Variants in GABRA2 observed in about 807,000 individuals in gnomAD.
The protein encoded by GABRA2 is gamma-aminobutyric acid type A receptor subunit alpha2.
GABRA2 carries 16 observed loss-of-function variants against 48.7 expected under a neutral mutation model. That is an observed-to-expected ratio of 0.33 (90% CI 0.22 to 0.50). The LOEUF is 0.50. Ranked by LOEUF, GABRA2 falls within the 20% of genes least tolerant of loss-of-function variation. GABRA2 has a pLI of 0.98. For missense variants in GABRA2, 275 were observed against 535.6 expected, an observed-to-expected ratio of 0.51 and a Z score of 4.80; for synonymous variants, 185 against 184.5, an observed-to-expected ratio of 1.00 and a Z score of -0.02.
intron 7 of GABRA2, 24 bp from the exon 8 acceptor site, chr4:46,303,636 C>T (rs377118407): frequency 6.2e-7 from 1 of 1,603,166 alleles, no homozygotes; most frequent in Non-Finnish European, 8.5e-7. Flanking sequence ...TTAAGAAGCT[C>T]AAGGAGTAAT....
At chr4:46,283,590 CAT>C (rs1057505693) in intron 8 of GABRA2, among the ~76,000 whole-genome samples, 1 of 151,776 alleles carries the variant, frequency 6.6e-6, no homozygotes, top group African/African-American at 2.4e-5. Context: ...TCAATCCAAA[CAT>C]AGCCCTTTTG....
chr4:46,368,277 C>A (rs994500233), intron 3 of GABRA2: 1 of 152,092 alleles, frequency 6.6e-6, no homozygotes, highest in East Asian at 1.9e-4. Flanking sequence ...ACACTGACAG[C>A]CACCTCAGAA....
intron 4 of GABRA2, among the ~76,000 whole-genome samples, chr4:46,319,539 T>C (rs1245890008): frequency 6.6e-6 from 1 of 151,760 alleles, no homozygotes; most frequent in Admixed American, 6.6e-5. Context: ...TAGATAACAA[T>C]TTAGCACAGT....
At chr4:46,348,801 G>C (rs1187584038) in intron 3 of GABRA2, among the ~76,000 whole-genome samples, 1 of 150,090 alleles carries the variant, frequency 6.7e-6, no homozygotes, top group African/African-American at 2.4e-5. Context: ...GGGAGGGATA[G>C]CATTAGGAGA....
chr4:46,261,045 A>C (rs1325741361), intron 9 of GABRA2: 1 of 151,972 alleles, frequency 6.6e-6, no homozygotes, highest in Non-Finnish European at 1.5e-5. Flanking sequence ...TACAATGTTA[A>C]AGATATCCTC....
chr4:46,364,005 GA>G (rs1713643921), intron 3 of GABRA2: 1 of 152,122 alleles, frequency 6.6e-6, no homozygotes, highest in South Asian at 2.1e-4. Flanking sequence ...GGAAGACTCA[GA>G]AATAAGATAT....
chr4:46,374,973 T>C (rs1223382348), intron 3 of GABRA2, among the ~76,000 whole-genome samples: 1 of 152,120 alleles, frequency 6.6e-6, no homozygotes, highest in Non-Finnish European at 1.5e-5. Context: ...AAAAAAGTTA[T>C]ATGAAACCAT....
rs1420932346 is a variant in GABRA2 at position 46,248,066 on chromosome 4, C to A, written c.*2242G>T. On this transcript the variant is annotated 3_prime_UTR_variant, in exon 10 of 10. Transcript: ENST00000381620. ...AATACTGGTGCCATCAATATAGTAG[C>A]AGCTCTTTGCCCAAAGTATAGATAA... Among the ~76,000 whole-genome samples, 1 of 151,296 alleles carries A rather than the reference C, an allele frequency of 6.6e-6. No homozygotes were observed. Among genetic ancestry groups the A allele is most frequent in the Non-Finnish European group, 1.5e-5 (1 of 67,538 alleles).
In GABRA2 at chr4:46,283,224, G is replaced by C. The variant is rs1164313212; in HGVS notation, c.856+20236C>G. Among the ~76,000 whole-genome samples, 3 of 152,206 alleles carry C rather than the reference G, an allele frequency of 2.0e-5. No homozygotes were observed. The East Asian group carries it at 5.8e-4, about 29-fold the overall frequency. The stretch of plus-strand genomic sequence containing the variant: ...AATGACACACAGAAATTATTAAGAG[G>C]GACATCTGGAAAGCTCATTTTATGG... On this transcript the variant is annotated intron_variant, in intron 8 of 9. Coordinates refer to ENST00000381620, the MANE Select transcript of GABRA2 (RefSeq NM_000807.4).
chr4:46,256,558 T>C (rs568617498), intron 9 of GABRA2, among the ~76,000 whole-genome samples: 3 of 151,626 alleles, frequency 2.0e-5, no homozygotes, highest in African/African-American at 7.2e-5. Context: ...GAAAAATAAC[T>C]CTTCCCTCCC....
At chr4:46,369,581 A>C (rs910679984) in intron 3 of GABRA2, among the ~76,000 whole-genome samples, 1 of 152,208 alleles carries the variant, frequency 6.6e-6, no homozygotes, top group African/African-American at 2.4e-5. Context: ...CAGAATTATG[A>C]GTTTAGTTCC....
At chr4:46,355,882 G>T (rs1735878003) in intron 3 of GABRA2, among the ~76,000 whole-genome samples, 1 of 151,900 alleles carries the variant, frequency 6.6e-6, no homozygotes, top group African/African-American at 2.4e-5. Flanking sequence ...ACCTCATCAG[G>T]TTACATACTA....
At chr4:46,330,373 C>A (rs13145161) in intron 4 of GABRA2, among the ~76,000 whole-genome samples, 1 of 151,728 alleles carries the variant, frequency 6.6e-6, no homozygotes, top group Non-Finnish European at 1.5e-5. Flanking sequence ...TTTTTAAATA[C>A]GTTAGCAATC....
At chr4:46,360,231 C>T (rs963424193) in intron 3 of GABRA2, among the ~76,000 whole-genome samples, 1 of 152,086 alleles carries the variant, frequency 6.6e-6, no homozygotes, top group Non-Finnish European at 1.5e-5. Context: ...TTTTGTATAT[C>T]AATTATGATA....
intron 8 of GABRA2, among the ~76,000 whole-genome samples, chr4:46,268,610 C>T (rs536572863): frequency 1.6e-4 from 24 of 151,942 alleles, no homozygotes; most frequent in African/African-American, 5.8e-4. Flanking sequence ...TAGCATAACT[C>T]TTATGGAAAA....
chr4:46,296,979 T>C (rs767901836), intron 8 of GABRA2, among the ~76,000 whole-genome samples: 1 of 152,200 alleles, frequency 6.6e-6, no homozygotes, highest in African/African-American at 2.4e-5. Context: ...GTACGAAAGA[T>C]AGTTGTATTA....
chr4:46,251,798 C>T (rs1311226242), intron 9 of GABRA2, among the ~76,000 whole-genome samples: 1 of 151,434 alleles, frequency 6.6e-6, no homozygotes, highest in East Asian at 1.9e-4. Flanking sequence ...GCTGGTGCTG[C>T]TTCTGTCTTG....
intron 3 of GABRA2, among the ~76,000 whole-genome samples, chr4:46,377,724 G>T (rs1256905910): frequency 5.5e-5 from 7 of 128,354 alleles, no homozygotes; most frequent in Non-Finnish European, 3.4e-5. Flanking sequence ...CGTCCGGGAG[G>T]GAGGTGGGGG....
At chr4:46,332,797 G>A in intron 3 of GABRA2, 115 bp from the exon 4 acceptor site, 1 of 576,866 alleles carries the variant, frequency 1.7e-6, no homozygotes, top group South Asian at 2.6e-5. Flanking sequence ...GGGAGTACTG[G>A]GTTTTACTTT....
Sources: allele counts gnomAD v4.1 joint callset (sites outside exome capture counted in the v4.1 genomes callset), GRCh38; gene constraint gnomAD v4.1.1; transcripts MANE v1.5; gene names NCBI Gene and HGNC (gene_info 2026-07-23, HGNC 2026-07-21).